The following ADGRL2 variants were observed in gnomAD, a reference collection of about 807,000 sequenced individuals.
ADGRL2 encodes the protein calcium-independent alpha-latrotoxin receptor 2.
Under a neutral mutation model 157.4 loss-of-function variants are expected in ADGRL2, and 44 were observed. The observed-to-expected ratio is 0.28, with a 90% CI of 0.22 to 0.36. The LOEUF is 0.36. Ranked by LOEUF, ADGRL2 falls within the 10% of genes least tolerant of loss-of-function variation. ADGRL2 has a pLI of 1.00. For synonymous variants in ADGRL2, 585 were observed against 624.7 expected (o/e 0.94, Z 0.95); for missense variants, 1,510 against 1,768.9 (o/e 0.85, Z 2.63).
chr1:81,377,347 C>T (rs769566750), intron 1 of ADGRL2, among the ~76,000 whole-genome samples: 12 of 152,008 alleles, frequency 7.9e-5, no homozygotes, highest in Non-Finnish European at 1.5e-4. Context: ...ATATATTGTC[C>T]GGCATTTAAT....
intron 10 of ADGRL2, 22 bp downstream of exon 10, chr1:81,953,047 C>T (rs768652520): frequency 1.2e-6 from 2 of 1,603,450 alleles, no homozygotes; most frequent in South Asian, 1.1e-5. Flanking sequence ...GTGCTGTCAC[C>T]CTGCTTTCTC....
At chr1:81,980,856 C>A in intron 18 of ADGRL2, 1 of 667,666 alleles carries the variant, frequency 1.5e-6, no homozygotes, top group Non-Finnish European at 2.8e-6. Flanking sequence ...TAGAACCCTA[C>A]ATTAACAAAT....
At chr1:81,887,944 T>C (rs186077595) in intron 2 of ADGRL2, among the ~76,000 whole-genome samples, 1 of 152,260 alleles carries the variant, frequency 6.6e-6, no homozygotes, top group African/African-American at 2.4e-5. Flanking sequence ...TTTCATTCAT[T>C]TGGGATAGAG....
At chr1:81,682,721 T>C (rs1171841812) in intron 3 of ADGRL2, among the ~76,000 whole-genome samples, 1 of 152,244 alleles carries the variant, frequency 6.6e-6, no homozygotes, top group African/African-American at 2.4e-5. Context: ...ATAAACCTTT[T>C]CTTAAAAGCC....
intron 3 of ADGRL2, among the ~76,000 whole-genome samples, chr1:81,914,332 C>T (rs960908460): frequency 6.6e-6 from 1 of 152,028 alleles, no homozygotes; most frequent in Non-Finnish European, 1.5e-5. Context: ...CATATTTCTT[C>T]CTCATTAATG....
chr1:81,890,133 G>C (rs1308740685), intron 2 of ADGRL2, among the ~76,000 whole-genome samples: 1 of 152,136 alleles, frequency 6.6e-6, no homozygotes, highest in African/African-American at 2.4e-5. Flanking sequence ...AGTTTATGCT[G>C]TGTCTTCTGT....
chr1:81,938,830 A>G lies in ADGRL2; in HGVS notation c.397+1993A>G, dbSNP rs570676457. Among the ~76,000 whole-genome samples the G allele has an allele frequency of 1.2e-3, 175 of 150,508 alleles. 1 individual carries two copies. The highest frequency in any genetic ancestry group is 4.1e-3 in the African/African-American group (169 of 41,116). ...GGACAGTGTCTTATCTCTTTTTCCC[A>G]TTTTCCTCACCTTTTGTTTCTTTCT... On this transcript the variant is annotated intron_variant, in intron 4 of 23. Coordinates refer to ENST00000686636, the MANE Select transcript of ADGRL2 (RefSeq NM_001366006.2).
At chr1:81,391,097 G>T (rs569177318) in intron 1 of ADGRL2, among the ~76,000 whole-genome samples, 48 of 152,348 alleles carry the variant, frequency 3.2e-4, no homozygotes, top group African/African-American at 1.2e-3. Flanking sequence ...TATGCTGTTT[G>T]AAGTGTAACA....
chr1:81,787,511 C>T (rs369078380), intron 2 of ADGRL2, among the ~76,000 whole-genome samples: 2 of 151,728 alleles, frequency 1.3e-5, no homozygotes, highest in Admixed American at 6.6e-5. Context: ...AAAAATTAGC[C>T]GGGTGTGGTG....
At chr1:81,417,425 T>A (rs2101504404) in intron 1 of ADGRL2, among the ~76,000 whole-genome samples, 1 of 152,306 alleles carries the variant, frequency 6.6e-6, no homozygotes, top group South Asian at 2.1e-4. Flanking sequence ...TCCTTCAAAA[T>A]ATTTTATTAG....
At chr1:81,454,732 G>T (rs893899954) in intron 2 of ADGRL2, among the ~76,000 whole-genome samples, 1 of 152,122 alleles carries the variant, frequency 6.6e-6, no homozygotes, top group Non-Finnish European at 1.5e-5. Context: ...TATCAAGAGC[G>T]ATCCTTTCAT....
chr1:81,697,356 A>C (rs2083465790), upstream of ADGRL2, among the ~76,000 whole-genome samples: 1 of 152,250 alleles, frequency 6.6e-6, no homozygotes, highest in African/African-American at 2.4e-5. Context: ...AGTGCTCAAT[A>C]AAAATGATAG....
At chr1:81,563,902 T>C (rs2080501011) in intron 2 of ADGRL2, among the ~76,000 whole-genome samples, 1 of 152,248 alleles carries the variant, frequency 6.6e-6, no homozygotes, top group Non-Finnish European at 1.5e-5. Flanking sequence ...CTAAATGTTT[T>C]GTTTTGTCTT....
At chr1:81,800,140 G>GA (rs1302863246), upstream of ADGRL2, among the ~76,000 whole-genome samples, 1 of 152,144 alleles carries the variant, frequency 6.6e-6, no homozygotes, top group African/African-American at 2.4e-5. Flanking sequence ...GACTATACTT[G>GA]AGAGTAAAGA....
chr1:81,596,596 C>A, intron 3 of ADGRL2: 1 of 240,874 alleles, frequency 4.2e-6, no homozygotes, highest in Non-Finnish European at 8.4e-6. Flanking sequence ...CAGAGCTCCG[C>A]ACCACCTACG....
At chr1:81,947,232 G>C (rs971311652) in intron 6 of ADGRL2, among the ~76,000 whole-genome samples, 4 of 152,060 alleles carry the variant, frequency 2.6e-5, no homozygotes, top group Admixed American at 6.6e-5. Context: ...ATATTCTTGA[G>C]TTTTGAACCT....
rs541126127 is a variant in ADGRL2, at chr1:81,794,009, C to G, written c.-101+32157C>G. 2.0e-5 allele frequency among the ~76,000 whole-genome samples: 3 copies of G among 152,102 alleles called. No homozygotes were observed. The East Asian group carries it at 5.8e-4, about 29-fold the overall frequency. ...TTTCATAGCCAGCATTTTTACTCTG[C>G]TTTTCTCTAATTTTATTTTAACAAA... On this transcript the variant is annotated intron_variant, in intron 2 of 20. Coordinates refer to the ADGRL2 transcript ENST00000359929.
chr1:81,867,057 A>G (rs899295994), intron 2 of ADGRL2, among the ~76,000 whole-genome samples: 1 of 152,184 alleles, frequency 6.6e-6, no homozygotes, highest in African/African-American at 2.4e-5. Flanking sequence ...AGTTATAAAA[A>G]TTGCATTATG....
intron 3 of ADGRL2, among the ~76,000 whole-genome samples, chr1:81,641,381 AACTC>A (rs1462714961): frequency 2.6e-5 from 4 of 152,202 alleles, no homozygotes; most frequent in African/African-American, 9.7e-5. Flanking sequence ...ATTCTTCTCA[AACTC>A]ACATTGGAAT....
Sources: gnomAD v4.1 joint callset for allele counts (sites outside exome capture counted in the v4.1 genomes callset) on GRCh38, gnomAD v4.1.1 for gene constraint, MANE v1.5 for transcripts, NCBI Gene and HGNC (gene_info 2026-07-23, HGNC 2026-07-21) for gene names.